The following KATNBL1 variants were observed in gnomAD, a reference collection of about 807,000 sequenced individuals.
The protein encoded by KATNBL1 is katanin regulatory subunit B1 like 1, also known as KATNB1-like protein 1.
A neutral mutation model predicts 44.7 loss-of-function variants in KATNBL1; 28 were observed. That is an observed-to-expected ratio of 0.63 (90% CI 0.46 to 0.86). The LOEUF (loss-of-function observed/expected upper bound fraction) is 0.86. KATNBL1 is among the 40% of genes least tolerant of loss of function. The probability of loss-of-function intolerance (pLI) is 0.00; values close to 1 mark genes in which losing one functional copy is unlikely to be tolerated. For synonymous variants in KATNBL1, 78 were observed against 114.9 expected (o/e 0.68, Z 2.06); for missense variants, 272 against 350.7 (o/e 0.78, Z 1.79).
chr15:34,179,535 G>C (rs564344584), intron 1 of KATNBL1, among the ~76,000 whole-genome samples: 21 of 152,074 alleles, frequency 1.4e-4, no homozygotes, highest in African/African-American at 4.8e-4. Context: ...AAGTCTCATA[G>C]GTTGCCCAGG....
chr15:34,150,951 T>C (rs1043658369), intron 4 of KATNBL1, among the ~76,000 whole-genome samples: 3 of 152,346 alleles, frequency 2.0e-5, no homozygotes, highest in Middle Eastern at 3.4e-3. Flanking sequence ...GTTCTTTTTA[T>C]GGCTGCATAT....
chr15:34,195,366 C>T (rs1277774310), intron 1 of KATNBL1, among the ~76,000 whole-genome samples: 3 of 152,094 alleles, frequency 2.0e-5, no homozygotes, highest in African/African-American at 7.2e-5. Context: ...TACTGCATGT[C>T]CTCACTTATA....
chr15:34,154,308 A>G (rs971520024), intron 3 of KATNBL1, among the ~76,000 whole-genome samples: 1 of 152,228 alleles, frequency 6.6e-6, no homozygotes, highest in African/African-American at 2.4e-5. Context: ...TTTTGTAGAA[A>G]GTGCCTTTAG....
chr15:34,150,578 A>G (rs541974195), intron 4 of KATNBL1, among the ~76,000 whole-genome samples: 1 of 152,338 alleles, frequency 6.6e-6, no homozygotes, highest in Admixed American at 6.5e-5. Flanking sequence ...TGGGTGATAG[A>G]GCGAGAGACC....
chr15:34,195,864 T>C (rs763683617), intron 1 of KATNBL1, among the ~76,000 whole-genome samples: 10 of 152,318 alleles, frequency 6.6e-5, no homozygotes, highest in Non-Finnish European at 1.0e-4. Context: ...AAATTGATGA[T>C]AAATGCAAAT....
At chr15:34,166,251 A>G (rs1049406873) in intron 1 of KATNBL1, 1 of 152,266 alleles carries the variant, frequency 6.6e-6, no homozygotes, top group Non-Finnish European at 1.5e-5. Flanking sequence ...CACTTTTCCA[A>G]TGGTCTTAGC....
intron 9 of KATNBL1, chr15:34,143,126 C>A: frequency 2.9e-6 from 2 of 686,958 alleles, no homozygotes; most frequent in Non-Finnish European, 4.2e-6. Context: ...ATATTGTCCC[C>A]AATAATAAAT....
chr15:34,168,804 T>C lies in KATNBL1; in HGVS notation c.-14-5114A>G, dbSNP rs543625803. ...AGAAACTCACTCAAAACCATACAAC[T>C]ACTTGGAAACTGAACAACCTGCTCC... On this transcript the variant is annotated intron_variant, in intron 1 of 9. Coordinates refer to ENST00000256544, the MANE Select transcript of KATNBL1 (RefSeq NM_024713.3). Among the ~76,000 whole-genome samples the C allele has an allele frequency of 2.6e-5, 4 of 152,220 alleles. No individual in the cohort carries two copies. The East Asian group carries it at 7.7e-4, about 29-fold the overall frequency.
At chr15:34,203,715 G>C (rs1011257890) in intron 1 of KATNBL1, among the ~76,000 whole-genome samples, 1 of 152,100 alleles carries the variant, frequency 6.6e-6, no homozygotes, top group Admixed American at 6.6e-5. Flanking sequence ...TTGAGATGGA[G>C]TCTTGCTCTG....
Position 34,152,929 on chromosome 15 carries a change from T to C in KATNBL1, c.299A>G (p.Lys100Arg). Residue 100 changes from lysine to arginine, a missense_variant, in exon 4 of 10, where the codon AAA (lysine) becomes AGA (arginine). By Grantham distance (26) the Lys-to-Arg change is conservative. Around this residue, in one of 3 missense-constraint regions of KATNBL1, gnomAD observed 122 missense variants for 125.0 expected, o/e 0.98. Coordinates refer to ENST00000256544, the MANE Select transcript of KATNBL1 (RefSeq NM_024713.3). ...PGSGGCDMAN[K>R]ENELACAGHL... ...GCCTGCACAAGCCAGTTCATTTTCT[T>C]TATTTGCCATGTCACAGCCCCCACT... 6.2e-7 allele frequency: 1 copy of C among 1,614,156 alleles called. No homozygotes were observed. Among genetic ancestry groups the C allele is most frequent in the South Asian group, 1.1e-5 (1 of 91,080 alleles).
intron 1 of KATNBL1, among the ~76,000 whole-genome samples, chr15:34,206,620 G>A (rs937224082): frequency 6.6e-6 from 1 of 152,012 alleles, no homozygotes; most frequent in Non-Finnish European, 1.5e-5. Flanking sequence ...GCGAAACCCC[G>A]TCTCAACTAA....
chr15:34,206,887 GT>G (rs1169506626), intron 1 of KATNBL1, among the ~76,000 whole-genome samples: 6 of 152,020 alleles, frequency 3.9e-5, no homozygotes, highest in Admixed American at 6.5e-5. Flanking sequence ...GGTTTAAGGT[GT>G]TTAATTAAAA....
intron 1 of KATNBL1, among the ~76,000 whole-genome samples, chr15:34,163,995 C>CAATT (rs1888889209): frequency 6.6e-6 from 1 of 151,966 alleles, no homozygotes. Context: ...TGGGTTGAAG[C>CAATT]AATTCTCCTG....
intron 9 of KATNBL1, chr15:34,145,100 T>C: frequency 3.7e-6 from 4 of 1,094,278 alleles, no homozygotes; most frequent in Non-Finnish European, 4.5e-6. Flanking sequence ...GATGCTGTCC[T>C]TATTGGATTC....
chr15:34,204,691 C>T (rs1477843399), intron 1 of KATNBL1, among the ~76,000 whole-genome samples: 1 of 152,220 alleles, frequency 6.6e-6, no homozygotes, highest in Non-Finnish European at 1.5e-5. Context: ...ATCTGCCAGA[C>T]TTTCTTCAAC....
chr15:34,171,907 C>T (rs1478041108), intron 1 of KATNBL1, among the ~76,000 whole-genome samples: 6 of 141,342 alleles, frequency 4.2e-5, no homozygotes, highest in Admixed American at 3.0e-4. Flanking sequence ...GGACACAGGG[C>T]GGGGAACATC....
chr15:34,192,354 A>C (rs1441278312), intron 1 of KATNBL1, among the ~76,000 whole-genome samples: 4 of 151,340 alleles, frequency 2.6e-5, no homozygotes, highest in Non-Finnish European at 5.9e-5. Flanking sequence ...CAGTGAGCAG[A>C]GATGGCGCCA....
chr15:34,150,031 T>C (rs562083614), intron 4 of KATNBL1, among the ~76,000 whole-genome samples: 1 of 152,372 alleles, frequency 6.6e-6, no homozygotes, highest in African/African-American at 2.4e-5. Flanking sequence ...AAATTAATTT[T>C]ACAATTGGAA....
In KATNBL1 at chr15:34,154,677, T is replaced by G; in HGVS notation, c.125A>C (p.Lys42Thr). 1.3e-6 allele frequency: 2 copies of G among 1,582,148 alleles called. No homozygotes were observed. The highest frequency in any genetic ancestry group is 1.7e-6 in the Non-Finnish European group (2 of 1,151,216). ...GTAAGCAGCCAACTGTTTTGGAGATTTCTTAACCTGAAAAATGAAAGTAGA... is the reference window on the plus strand; with the variant it reads ...GTAAGCAGCCAACTGTTTTGGAGATGTCTTAACCTGAAAAATGAAAGTAGA... ...FTNKNMKEVK[K>T]SPKQLAAYIN... is the part of the protein sequence containing the mutation. The change falls in exon 3 of 10, where the codon AAA (lysine) becomes ACA (threonine). Residue 42 changes from lysine to threonine, a missense_variant. Around this residue, in one of 3 missense-constraint regions of KATNBL1, gnomAD observed 122 missense variants for 125.0 expected, o/e 0.98. Transcript: ENST00000256544.
Sources: allele counts gnomAD v4.1 joint callset (sites outside exome capture counted in the v4.1 genomes callset), GRCh38; gene constraint gnomAD v4.1.1; regional missense constraint gnomAD v4.1.1; transcripts MANE v1.5; gene names NCBI Gene and HGNC (gene_info 2026-07-23, HGNC 2026-07-21).